The following AQR variants were observed in gnomAD, a reference collection of about 807,000 sequenced individuals.
The protein encoded by AQR is RNA helicase aquarius.
A neutral mutation model predicts 180.5 loss-of-function variants in AQR; 61 were observed. The observed-to-expected ratio is 0.34, with a 90% CI of 0.28 to 0.42. The LOEUF (loss-of-function observed/expected upper bound fraction) is 0.42, where lower values mean the gene tolerates loss of function less well. Among genes scored for constraint, AQR ranks in the 10% least tolerant of loss-of-function variants. The pLI, the probability that AQR is intolerant of heterozygous loss-of-function variation, is 1.00. For synonymous variants in AQR, 551 were observed against 588.8 expected (o/e 0.94, Z 0.93); for missense variants, 1,281 against 1,798.3 (o/e 0.71, Z 5.20).
rs984968596 is a variant in AQR at position 34,965,387 on chromosome 15, C to T, written c.76-1097G>A. Among the ~76,000 whole-genome samples the T allele has an allele frequency of 2.0e-5, 3 of 152,180 alleles. No individual in the cohort carries two copies. In the East Asian group the frequency reaches 5.8e-4, roughly 29 times the overall value. On this transcript the variant is annotated intron_variant, in intron 1 of 34. Transcript: ENST00000156471. ...TAACTTCCTACTTAAATGACACCTT[C>T]CGGCCAGGCATGGTGGCTCATGCCT...
intron 6 of AQR, among the ~76,000 whole-genome samples, chr15:34,942,688 A>T (rs987703993): frequency 4.6e-5 from 7 of 152,238 alleles, no homozygotes; most frequent in African/African-American, 1.7e-4. Context: ...ATATACAATA[A>T]ATAAGCTGTC....
intron 16 of AQR, among the ~76,000 whole-genome samples, chr15:34,913,996 G>A (rs963046451): frequency 6.6e-6 from 1 of 152,176 alleles, no homozygotes; most frequent in Non-Finnish European, 1.5e-5. Context: ...ATAAAACATG[G>A]AAGTGAAAAA....
At chr15:34,921,551 A>G (rs1893685664) in intron 13 of AQR, among the ~76,000 whole-genome samples, 1 of 152,116 alleles carries the variant, frequency 6.6e-6, no homozygotes, top group Admixed American at 6.6e-5. Context: ...GAAAACAACT[A>G]TCAGTATTTG....
Position 34,897,677 on chromosome 15 carries a change from C to T in AQR, c.2272G>A (p.Gly758Arg). ...RITFPVRSGKGKKRKDADVED... is the reference protein window; with the variant it reads ...RITFPVRSGKRKKRKDADVED... The stretch of plus-strand genomic sequence containing the variant: ...ACATCCGCATCTTTCCTTTTCTTCC[C>T]TTTTCCACTTCTTACTGGAAAAGTT... The change falls in exon 21 of 35, where the codon GGG becomes AGG. Residue 758 changes from glycine to arginine, a missense_variant. Physicochemically the swap from Gly to Arg is moderately radical, Grantham distance 125 (BLOSUM62 -2). Transcript: ENST00000156471. 1 of 1,613,986 alleles carries T rather than the reference C, an allele frequency of 6.2e-7. No homozygotes were observed.
chr15:34,875,008 G>T, intron 28 of AQR, 144 bp from the exon 29 acceptor site: 1 of 736,654 alleles, frequency 1.4e-6, no homozygotes, highest in Non-Finnish European at 2.2e-6. Flanking sequence ...CAGGAGTCTA[G>T]CAAATTTACA....
At chr15:34,895,430 C>G (rs1483608187) in intron 22 of AQR, among the ~76,000 whole-genome samples, 1 of 151,178 alleles carries the variant, frequency 6.6e-6, no homozygotes, top group East Asian at 2.0e-4. Flanking sequence ...ATGGATAAAG[C>G]AACATACCTA....
Position 34,856,999 on chromosome 15 carries a change from G to A in AQR, c.4251C>T (p.Ile1417=), listed in dbSNP as rs1174778712. 2 of 1,614,066 alleles carry A rather than the reference G, an allele frequency of 1.2e-6. No homozygotes were observed. The highest frequency in any genetic ancestry group is 1.1e-5 in the South Asian group (1 of 91,070). Residue 1417 remains isoleucine (I), a synonymous_variant, in exon 35 of 35, where the codon ATC becomes ATT. Transcript: ENST00000156471. ...AGCTGGTGTCTGTTGGACTGGGTAT[G>A]ATGTCAGCTTGAACAGTCATGGCCT... ...EEEAMTVQAD[I]IPSPTDTSCR...
Position 34,910,793 on chromosome 15 carries a change from T to G in AQR, c.1485-480A>C, listed in dbSNP as rs1019958639. 9.8e-5 allele frequency among the ~76,000 whole-genome samples: 15 copies of G among 152,344 alleles called. 1 individual carries two copies. The South Asian group carries it at 2.7e-3, about 27-fold the overall frequency. ...TCATTACCAACACAGTTAGCATTTT[T>G]TGTGTGTGTGGTAAGAATACTTAAG... is the stretch of plus-strand genomic sequence containing the variant. On this transcript the variant is annotated intron_variant, in intron 16 of 34. Transcript: ENST00000156471.
chr15:34,874,171 T>C (rs1892860418), intron 29 of AQR, 172 bp from the exon 30 acceptor site: 1 of 568,374 alleles, frequency 1.8e-6, no homozygotes, highest in East Asian at 3.2e-5. Flanking sequence ...CTACTTCAAG[T>C]AACCAAGGGT....
At chr15:34,912,351 C>T (rs547013590) in intron 16 of AQR, among the ~76,000 whole-genome samples, 2 of 53,562 alleles carry the variant, frequency 3.7e-5, no homozygotes, top group African/African-American at 6.5e-5. Context: ...TAAACTCTCT[C>T]AGTTTTTGTT....
At chr15:34,946,953 G>A (rs1258872291) in intron 5 of AQR, among the ~76,000 whole-genome samples, 2 of 151,894 alleles carry the variant, frequency 1.3e-5, no homozygotes, top group African/African-American at 4.8e-5. Context: ...CTGCCCGGCC[G>A]CGCCTACTGG....
chr15:34,939,256 A>G (rs551766469), intron 8 of AQR, among the ~76,000 whole-genome samples: 3 of 152,122 alleles, frequency 2.0e-5, no homozygotes, highest in Non-Finnish European at 2.9e-5. Flanking sequence ...TTCAGTAGAG[A>G]TGCGGTTCCA....
intron 12 of AQR, among the ~76,000 whole-genome samples, chr15:34,928,520 A>G (rs937690588): frequency 6.6e-6 from 1 of 152,210 alleles, no homozygotes; most frequent in South Asian, 2.1e-4. Context: ...CGCAAAGGAC[A>G]TGATCTCATT....
intron 2 of AQR, among the ~76,000 whole-genome samples, chr15:34,963,636 C>T (rs2050293166): frequency 6.6e-6 from 1 of 150,942 alleles, no homozygotes; most frequent in African/African-American, 2.4e-5. Flanking sequence ...AACAGAAAAA[C>T]AGTTAAGTAA....
At position 34,904,511 on chromosome 15, in the gene AQR, C is replaced by A. The variant is rs552906611; in HGVS notation, c.1832-6G>T. On this transcript the variant is annotated splice_region_variant and splice_polypyrimidine_tract_variant and intron_variant, in intron 18 of 34. Coordinates refer to ENST00000156471, the MANE Select transcript of AQR (RefSeq NM_014691.3). Reference sequence around the variant, plus strand: ...ATTGGGTCTGGGTTCAGGTCCTGGACAATTTGAAAAAGTTTGTTAAATAAA... The same window carrying A: ...ATTGGGTCTGGGTTCAGGTCCTGGAAAATTTGAAAAAGTTTGTTAAATAAA... The A allele has an allele frequency of 3.5e-5, 56 of 1,590,106 alleles. No homozygotes were observed. The Middle Eastern group carries it at 5.0e-4, about 14-fold the overall frequency.
chr15:34,924,919 T>TA lies in AQR; in HGVS notation c.1118+2115dup, dbSNP rs34745223. 4.1e-3 allele frequency among the ~76,000 whole-genome samples: 545 copies of TA among 134,012 alleles called. 2 individuals are homozygous for TA. The highest frequency in any genetic ancestry group is 0.013 in the African/African-American group (475 of 35,818). The allele number at this position is 134,012 out of a possible 152,430, so 87.9% of individuals were successfully genotyped here. A position where few individuals can be genotyped will look rare whatever the true frequency, so the allele number is the denominator to read the frequency against. On this transcript the variant is annotated intron_variant, in intron 13 of 34. Transcript: ENST00000156471. ...ATGAACTATGCAGCTAAGCTAAATG[T>TA]AAAAAAAAAAAAAAAAGGCAATAAA...
intron 32 of AQR, among the ~76,000 whole-genome samples, chr15:34,864,606 A>AATAAAATTATAG: frequency 6.6e-6 from 1 of 152,202 alleles, no homozygotes; most frequent in East Asian, 1.9e-4. Context: ...GTGGAATTTA[A>AATAAAATTATAG]TGTTGTTAGG....
In AQR at chr15:34,940,912, C is replaced by G. The variant is rs761606148; in HGVS notation, c.628G>C (p.Glu210Gln). The G allele has an allele frequency of 1.2e-6, 2 of 1,607,114 alleles. No homozygotes were observed. The highest frequency in any genetic ancestry group is 1.7e-6 in the Non-Finnish European group (2 of 1,175,660). Residue 210 changes from glutamate to glutamine, a missense_variant, in exon 8 of 35, where the codon GAA (glutamate) becomes CAA (glutamine). This residue lies in a region of AQR where 404 missense variants were observed against 490.9 expected (regional missense o/e 0.82). Transcript: ENST00000156471. ...CTGCCAACATACTGTTCTCTTGCTT[C>G]TGGATCCATCTTTTCATCATTCTTT... ...IKKNDEKMDP[E>Q]AREQAYQERR... is the part of the protein sequence containing the mutation.
At chr15:34,944,554 T>G in intron 5 of AQR, 126 bp from the exon 6 acceptor site, 1 of 946,596 alleles carries the variant, frequency 1.1e-6, no homozygotes, top group Admixed American at 3.4e-5. Context: ...TATTTGTATA[T>G]GTATAAAAGA....
Sources: allele counts gnomAD v4.1 joint callset (sites outside exome capture counted in the v4.1 genomes callset), GRCh38; gene constraint gnomAD v4.1.1; regional missense constraint gnomAD v4.1.1; transcripts MANE v1.5; gene names NCBI Gene and HGNC (gene_info 2026-07-23, HGNC 2026-07-21).